The following SLC9A9 variants were observed in gnomAD, a reference collection of about 807,000 sequenced individuals.
SLC9A9 encodes sodium/hydrogen exchanger 9.
Under a neutral mutation model 77.8 loss-of-function variants are expected in SLC9A9, and 62 were observed. The ratio of observed to expected loss-of-function variants is 0.80; its 90% confidence interval spans 0.65 to 0.98. The LOEUF (loss-of-function observed/expected upper bound fraction) is 0.98, where lower values mean the gene tolerates loss of function less well. SLC9A9 is among the 50% of genes least tolerant of loss of function. The pLI is 0.00. For synonymous variants in SLC9A9, 320 were observed against 283.5 expected, an observed-to-expected ratio of 1.13 and a Z score of -1.29; for missense variants, 775 against 774.9, an observed-to-expected ratio of 1.00 and a Z score of 0.00.
chr3:143,496,523 A>G (rs573633563), intron 9 of SLC9A9, among the ~76,000 whole-genome samples: 1 of 152,356 alleles, frequency 6.6e-6, no homozygotes, highest in Admixed American at 6.5e-5. Context: ...GAATCTTGTC[A>G]GAAACATTAT....
At chr3:143,825,105 G>T (rs1033222094) in intron 2 of SLC9A9, among the ~76,000 whole-genome samples, 1 of 152,130 alleles carries the variant, frequency 6.6e-6, no homozygotes, top group African/African-American at 2.4e-5. Context: ...CCCCAATGCT[G>T]ATTTATCATC....
chr3:143,621,182 T>C (rs2038205566), intron 6 of SLC9A9, among the ~76,000 whole-genome samples: 2 of 152,162 alleles, frequency 1.3e-5, no homozygotes, highest in African/African-American at 4.8e-5. Context: ...AGACTCCACC[T>C]CTGGGGGCAG....
At chr3:143,435,193 C>A (rs939801552) in intron 12 of SLC9A9, among the ~76,000 whole-genome samples, 15 of 152,132 alleles carry the variant, frequency 9.9e-5, no homozygotes, top group Non-Finnish European at 2.1e-4. Context: ...TTTTCGTATG[C>A]CTTTTCTCTT....
intron 9 of SLC9A9, among the ~76,000 whole-genome samples, chr3:143,524,862 TG>T (rs2108616464): frequency 6.6e-6 from 1 of 152,342 alleles, no homozygotes; most frequent in East Asian, 1.9e-4. Context: ...TCTCCTGTTT[TG>T]CTTCTTTGTA....
intron 4 of SLC9A9, among the ~76,000 whole-genome samples, chr3:143,773,604 C>T (rs940478021): frequency 1.1e-4 from 17 of 151,892 alleles, no homozygotes; most frequent in African/African-American, 3.9e-4. Context: ...CCTGCCTCAG[C>T]CTCCCAAGTA....
chr3:143,705,037 ATC>A lies in SLC9A9; in HGVS notation c.534-11732_534-11731del, dbSNP rs1370849853. 7.2e-3 allele frequency among the ~76,000 whole-genome samples: 230 copies of A among 32,150 alleles called. 2 individuals are homozygous for A. Among genetic ancestry groups the A allele is most frequent in the African/African-American group, 0.023 (223 of 9,640 alleles). 21.1% of individuals were successfully genotyped at this position (32,150 alleles called of 152,430 possible). A position where few individuals can be genotyped will look rare whatever the true frequency, so the allele number is the denominator to read the frequency against. ...TATCTATCTATCTATCTATCTATCT[ATC>A]TATATAGATATAGATATAGATATAT... is the stretch of plus-strand genomic sequence containing the variant. On this transcript the variant is annotated intron_variant, in intron 4 of 15. Coordinates refer to ENST00000316549, the MANE Select transcript of SLC9A9 (RefSeq NM_173653.4).
At chr3:143,809,574 T>C (rs1186213112) in intron 2 of SLC9A9, among the ~76,000 whole-genome samples, 5 of 152,172 alleles carry the variant, frequency 3.3e-5, no homozygotes, top group Non-Finnish European at 7.3e-5. Flanking sequence ...ATCGTGGCCT[T>C]GGAGGTGGGG....
intron 14 of SLC9A9, among the ~76,000 whole-genome samples, chr3:143,286,855 C>G (rs1459776510): frequency 1.3e-5 from 2 of 152,196 alleles, no homozygotes; most frequent in East Asian, 3.9e-4. Flanking sequence ...GACTGTGAAA[C>G]TGGTACCAGT....
chr3:143,776,632 T>C (rs2007699785), intron 4 of SLC9A9, among the ~76,000 whole-genome samples: 1 of 152,156 alleles, frequency 6.6e-6, no homozygotes, highest in Non-Finnish European at 1.5e-5. Flanking sequence ...ATTGTCTAAT[T>C]GGAGAAAATG....
intron 6 of SLC9A9, among the ~76,000 whole-genome samples, chr3:143,645,467 G>A (rs2038689719): frequency 6.6e-6 from 1 of 152,166 alleles, no homozygotes; most frequent in Non-Finnish European, 1.5e-5. Context: ...TGCCCATCCA[G>A]TCTTTGTCAC....
chr3:143,467,657 A>G (rs1284737100), intron 11 of SLC9A9, among the ~76,000 whole-genome samples: 3 of 151,952 alleles, frequency 2.0e-5, no homozygotes, highest in African/African-American at 7.2e-5. Context: ...ACTTAAGCCC[A>G]GGAGTTCAAG....
chr3:143,799,584 C>T (rs2008492981), intron 2 of SLC9A9, among the ~76,000 whole-genome samples: 1 of 152,202 alleles, frequency 6.6e-6, no homozygotes, highest in Admixed American at 6.5e-5. Context: ...GGCCACTGGG[C>T]CAAGGAATGC....
At chr3:143,524,606 T>C (rs1169295049) in intron 9 of SLC9A9, among the ~76,000 whole-genome samples, 1 of 152,198 alleles carries the variant, frequency 6.6e-6, no homozygotes, top group Non-Finnish European at 1.5e-5. Flanking sequence ...TCATTCAGAC[T>C]TTCCAGAGCC....
At chr3:143,404,851 G>A (rs1354952832) in intron 12 of SLC9A9, among the ~76,000 whole-genome samples, 1 of 152,174 alleles carries the variant, frequency 6.6e-6, no homozygotes, top group Non-Finnish European at 1.5e-5. Context: ...TTACTGCTCA[G>A]TTTTCTTTCT....
chr3:143,457,159 A>G (rs1446157663), intron 12 of SLC9A9, among the ~76,000 whole-genome samples: 1 of 152,064 alleles, frequency 6.6e-6, no homozygotes, highest in Non-Finnish European at 1.5e-5. Flanking sequence ...AGCTGGGACT[A>G]TAGGCATGTA....
intron 5 of SLC9A9, among the ~76,000 whole-genome samples, chr3:143,672,967 T>G (rs1166750514): frequency 6.6e-6 from 1 of 152,126 alleles, no homozygotes; most frequent in East Asian, 1.9e-4. Flanking sequence ...TAACCCCAAA[T>G]AGAAAGGGGC....
intron 12 of SLC9A9, among the ~76,000 whole-genome samples, chr3:143,390,092 GA>G (rs2033523357): frequency 6.6e-6 from 1 of 152,206 alleles, no homozygotes; most frequent in African/African-American, 2.4e-5. Context: ...TTACCAAATT[GA>G]AAACAGCTGG....
At chr3:143,528,751 C>G (rs921799430) in intron 9 of SLC9A9, among the ~76,000 whole-genome samples, 1 of 151,808 alleles carries the variant, frequency 6.6e-6, no homozygotes, top group Non-Finnish European at 1.5e-5. Flanking sequence ...AATAAGCCAC[C>G]TTCTATACAT....
intron 9 of SLC9A9, among the ~76,000 whole-genome samples, chr3:143,522,655 A>G (rs1162738260): frequency 2.6e-5 from 4 of 152,152 alleles, no homozygotes; most frequent in Non-Finnish European, 5.9e-5. Context: ...CCAGCTTCCA[A>G]GATCACAAAA....
Sources: allele counts gnomAD v4.1 joint callset (sites outside exome capture counted in the v4.1 genomes callset), GRCh38; gene constraint gnomAD v4.1.1; transcripts MANE v1.5; gene names NCBI Gene and HGNC (gene_info 2026-07-23, HGNC 2026-07-21).